The following KLHL7 variants were observed in gnomAD, a reference collection of about 807,000 sequenced individuals.
KLHL7 encodes the protein kelch-like protein 7.
A neutral mutation model predicts 67.4 loss-of-function variants in KLHL7; 44 were observed. The ratio of observed to expected loss-of-function variants is 0.65; its 90% CI spans 0.51 to 0.84. KLHL7 has a LOEUF of 0.84. KLHL7 is among the 40% of genes least tolerant of loss of function. The pLI, the probability that KLHL7 is intolerant of heterozygous loss-of-function variation, is 0.00. For missense variants in KLHL7, 362 were observed against 718.1 expected, an observed-to-expected ratio of 0.50 and a Z score of 5.67; for synonymous variants, 252 against 243.3, an observed-to-expected ratio of 1.04 and a Z score of -0.33.
chr7:23,135,924 C>G (rs1783959842), intron 4 of KLHL7, among the ~76,000 whole-genome samples: 1 of 152,190 alleles, frequency 6.6e-6, no homozygotes, highest in African/African-American at 2.4e-5. Flanking sequence ...GTAGCTCCTC[C>G]CATCTCCCTT....
In KLHL7 at chr7:23,174,992, T is replaced by C. The variant is rs1207765769; in HGVS notation, c.*694T>C. ...CCATCATTAATTTATGTCTCTGTTT[T>C]ATCCAGTGGTTAAAAAAGGATTCTG... On this transcript the variant is annotated 3_prime_UTR_variant, in exon 11 of 11. Coordinates refer to ENST00000339077, the MANE Select transcript of KLHL7 (RefSeq NM_001031710.3). 2.2e-6 allele frequency: 1 copy of C among 449,310 alleles called. No individual in the cohort carries two copies. Among genetic ancestry groups the C allele is most frequent in the Admixed American group, 2.4e-5 (1 of 41,864 alleles). The allele number at this position is 449,310 out of a possible 1,614,324, so 27.8% of individuals were successfully genotyped here.
chr7:23,174,519 C>T lies in KLHL7; in HGVS notation c.*221C>T. 1 of 671,552 alleles carries T rather than the reference C, an allele frequency of 1.5e-6. No homozygotes were observed. Among genetic ancestry groups the T allele is most frequent in the Non-Finnish European group, 2.7e-6 (1 of 367,832 alleles). 41.6% of individuals were successfully genotyped at this position (671,552 alleles called of 1,614,324 possible). On this transcript the variant is annotated 3_prime_UTR_variant, in exon 11 of 11. Transcript: ENST00000339077. ...ACCAAGAACATATCTAGCAAGAAAA[C>T]TTGAAAAAGTATAAGCATTTGTTAA...
chr7:23,155,218 T>A (rs1410175382), intron 7 of KLHL7, among the ~76,000 whole-genome samples: 1 of 152,190 alleles, frequency 6.6e-6, no homozygotes, highest in Non-Finnish European at 1.5e-5. Context: ...ATTCATGGCC[T>A]GTGTGCTATC....
chr7:23,147,112 T>TTA (rs1784383683), intron 6 of KLHL7, among the ~76,000 whole-genome samples: 1 of 150,238 alleles, frequency 6.7e-6, no homozygotes, highest in African/African-American at 2.5e-5. Context: ...TTTTTTTTTT[T>TTA]AGACAGTCTC....
chr7:23,110,719 C>G (rs1012105738), intron 1 of KLHL7, among the ~76,000 whole-genome samples: 3 of 150,328 alleles, frequency 2.0e-5, no homozygotes, highest in African/African-American at 7.3e-5. Context: ...CACCCATTAA[C>G]TCGTCATTTA....
rs60497553 is a variant in KLHL7, at chr7:23,138,461, T to TAA, written c.443-2286_443-2285dup. On this transcript the variant is annotated intron_variant, in intron 4 of 10. Coordinates refer to ENST00000339077, the MANE Select transcript of KLHL7 (RefSeq NM_001031710.3). ...TGGGCGACAGAGCAAGACTCCATCTTAAAAAAAAAAAAAAAAAAAAAAAGA... is the reference window on the plus strand; with the variant it reads ...TGGGCGACAGAGCAAGACTCCATCTTAAAAAAAAAAAAAAAAAAAAAAAAAGA... Among the ~76,000 whole-genome samples the TAA allele has an allele frequency of 1.3e-3, 80 of 63,214 alleles. 1 individual carries two copies. The highest frequency in any genetic ancestry group is 2.0e-3 in the Non-Finnish European group (67 of 33,186). 41.5% of individuals were successfully genotyped at this position (63,214 alleles called of 152,430 possible). A position where few individuals can be genotyped will look rare whatever the true frequency, so the allele number is the denominator to read the frequency against.
chr7:23,115,840 G>T (rs911987382), intron 1 of KLHL7, among the ~76,000 whole-genome samples: 1 of 152,170 alleles, frequency 6.6e-6, no homozygotes, highest in Non-Finnish European at 1.5e-5. Context: ...ACTGCGACTG[G>T]CCAGGACTCA....
chr7:23,106,664 G>A (rs1238259651), intron 1 of KLHL7: 1 of 1,012,934 alleles, frequency 9.9e-7, no homozygotes, highest in Non-Finnish European at 1.2e-6. Flanking sequence ...CTAATTTAGA[G>A]CAGAAGCAGC....
At chr7:23,159,682 C>G (rs1278386273) in intron 7 of KLHL7, among the ~76,000 whole-genome samples, 1 of 152,074 alleles carries the variant, frequency 6.6e-6, no homozygotes, top group Non-Finnish European at 1.5e-5. Context: ...CAGGCACATG[C>G]CACTACACCT....
At chr7:23,145,274 A>G (rs1389513661) in intron 6 of KLHL7, among the ~76,000 whole-genome samples, 1 of 147,844 alleles carries the variant, frequency 6.8e-6, no homozygotes, top group Non-Finnish European at 1.5e-5. Flanking sequence ...CCTTTTTCTG[A>G]GAGAGAGCTT....
intron 1 of KLHL7, among the ~76,000 whole-genome samples, chr7:23,107,354 T>C (rs1782686369): frequency 1.3e-5 from 2 of 152,258 alleles, no homozygotes; most frequent in South Asian, 4.1e-4. Flanking sequence ...AGACTTCAAA[T>C]TGCTGGTGCA....
At chr7:23,114,256 C>T (rs764533) in intron 1 of KLHL7, among the ~76,000 whole-genome samples, 69,736 of 150,380 alleles carry the variant, frequency 0.46, 18,346 homozygotes, top group African/African-American at 0.76. Flanking sequence ...GTAGGACATA[C>T]GACTGTGCAG....
chr7:23,115,421 C>G (rs1184796008), intron 1 of KLHL7, among the ~76,000 whole-genome samples: 1 of 152,172 alleles, frequency 6.6e-6, no homozygotes, highest in Non-Finnish European at 1.5e-5. Flanking sequence ...TCTATAGACT[C>G]TAGGGCTAAA....
At chr7:23,164,956 TA>T (rs1371476990) in intron 7 of KLHL7, among the ~76,000 whole-genome samples, 1 of 152,220 alleles carries the variant, frequency 6.6e-6, no homozygotes, top group Non-Finnish European at 1.5e-5. Context: ...ACTATAACTT[TA>T]GGGGCATCCC....
chr7:23,128,856 T>A (rs959677512), intron 4 of KLHL7, among the ~76,000 whole-genome samples: 2 of 152,238 alleles, frequency 1.3e-5, no homozygotes, highest in African/African-American at 4.8e-5. Flanking sequence ...TGGCCCTTTG[T>A]GTCTGGCCTC....
chr7:23,170,464 A>G (rs1462315698), intron 9 of KLHL7, among the ~76,000 whole-genome samples: 1 of 152,240 alleles, frequency 6.6e-6, no homozygotes, highest in Non-Finnish European at 1.5e-5. Context: ...GTTAACAAGT[A>G]CAGAAATACA....
intron 9 of KLHL7, among the ~76,000 whole-genome samples, chr7:23,171,800 C>T (rs972993572): frequency 2.6e-5 from 4 of 152,228 alleles, no homozygotes; most frequent in Non-Finnish European, 5.9e-5. Flanking sequence ...AGCTCCGCCT[C>T]CTGGGTTCAC....
At position 23,113,334 on chromosome 7, in the gene KLHL7, G is replaced by A. The variant is rs947727255; in HGVS notation, c.120+7188G>A. On this transcript the variant is annotated intron_variant, in intron 1 of 10. Coordinates refer to ENST00000339077, the MANE Select transcript of KLHL7 (RefSeq NM_001031710.3). Reference sequence around the variant, plus strand: ...GCCCTGTCTTTTGTTCTTTTTACCTGAACAGGAGGTAAAAATGAGGAGGCT... The same window carrying A: ...GCCCTGTCTTTTGTTCTTTTTACCTAAACAGGAGGTAAAAATGAGGAGGCT... Among the ~76,000 whole-genome samples, 3 of 152,080 alleles carry A rather than the reference G, an allele frequency of 2.0e-5. No homozygotes were observed. In the East Asian group the frequency reaches 5.8e-4, roughly 29 times the overall value.
chr7:23,140,137 T>C (rs1447267853), intron 4 of KLHL7, among the ~76,000 whole-genome samples: 1 of 152,250 alleles, frequency 6.6e-6, no homozygotes, highest in African/African-American at 2.4e-5. Context: ...TTCTGATTAA[T>C]ATCACATGGA....
Sources: allele counts gnomAD v4.1 joint callset (sites outside exome capture counted in the v4.1 genomes callset), GRCh38; gene constraint gnomAD v4.1.1; transcripts MANE v1.5; gene names NCBI Gene and HGNC (gene_info 2026-07-23, HGNC 2026-07-21).